The following SLC25A20 variants were observed in gnomAD, a reference collection of about 807,000 sequenced individuals.
The protein encoded by SLC25A20 is solute carrier family 25 member 20, also known as mitochondrial carnitine/acylcarnitine carrier protein.
A neutral mutation model predicts 39.7 loss-of-function variants in SLC25A20; 29 were observed. That is an observed-to-expected ratio of 0.73 (90% CI 0.54 to 1.00). SLC25A20 has a LOEUF of 1.00. Among genes scored for constraint, SLC25A20 ranks in the 50% least tolerant of loss-of-function variants. SLC25A20 has a pLI of 0.00. For synonymous variants in SLC25A20, 103 were observed against 142.2 expected, an observed-to-expected ratio of 0.72 and a Z score of 1.96; for missense variants, 333 against 379.9, an observed-to-expected ratio of 0.88 and a Z score of 1.03.
At chr3:48,894,893 C>T (rs747278634) in intron 1 of SLC25A20, among the ~76,000 whole-genome samples, 7 of 152,234 alleles carry the variant, frequency 4.6e-5, no homozygotes, top group Non-Finnish European at 8.8e-5. Context: ...TCTTGGCTCA[C>T]CGCAACCTCT....
At chr3:48,889,358 C>T (rs1256728234) in intron 2 of SLC25A20, among the ~76,000 whole-genome samples, 1 of 151,512 alleles carries the variant, frequency 6.6e-6, no homozygotes, top group African/African-American at 2.4e-5. Context: ...CCACTGTAGT[C>T]AAGCCTGGGC....
At chr3:48,857,955 C>T (rs1212113631) in intron 8 of SLC25A20, among the ~76,000 whole-genome samples, 183 bp from the exon 9 acceptor site, 3 of 151,528 alleles carry the variant, frequency 2.0e-5, no homozygotes, top group African/African-American at 4.8e-5. Context: ...TTATATTCCA[C>T]AACTGCCCAC....
intron 4 of SLC25A20, among the ~76,000 whole-genome samples, chr3:48,870,814 A>AT (rs71077745): frequency 2.2e-3 from 240 of 109,816 alleles, no homozygotes; most frequent in Middle Eastern, 9.8e-3. Flanking sequence ...CAGGAATCAG[A>AT]TTTTTTTTTT....
At chr3:48,875,797 G>A (rs1485998385) in intron 4 of SLC25A20, among the ~76,000 whole-genome samples, 4 of 152,056 alleles carry the variant, frequency 2.6e-5, no homozygotes, top group South Asian at 4.1e-4. Flanking sequence ...CAGACAGATC[G>A]CTTGAGCTCA....
chr3:48,878,262 C>CA (rs1257374907), intron 4 of SLC25A20, among the ~76,000 whole-genome samples: 29 of 106,866 alleles, frequency 2.7e-4, no homozygotes, highest in African/African-American at 5.6e-4. Context: ...TCCATCTCCA[C>CA]AAAAAAAAAA....
chr3:48,862,606 C>A lies in SLC25A20; in HGVS notation c.471G>T (p.Lys157Asn). 6.2e-7 allele frequency: 1 copy of A among 1,614,136 alleles called. No homozygotes were observed. The highest frequency in any genetic ancestry group is 8.5e-7 in the Non-Finnish European group (1 of 1,179,984). ...GGATCCCAAACTCCTGGTACAGCTT[C>A]TTTGCACAGTCCAAGGTACCAGTGT... ...SKYTGTLDCAKKLYQEFGIRG... is the reference protein window; with the variant it reads ...SKYTGTLDCANKLYQEFGIRG... Residue 157 changes from lysine (K) to asparagine (N), a missense_variant, in exon 5 of 9, where the codon AAG becomes AAT. Physicochemically the swap from Lys to Asn is moderately conservative, Grantham distance 94. Coordinates refer to ENST00000319017, the MANE Select transcript of SLC25A20 (RefSeq NM_000387.6).
intron 4 of SLC25A20, among the ~76,000 whole-genome samples, chr3:48,877,352 T>A (rs2083766179): frequency 6.6e-6 from 1 of 151,708 alleles, no homozygotes; most frequent in Non-Finnish European, 1.5e-5. Context: ...AGGCGGAGGT[T>A]GCGGTGAGCC....
Position 48,859,544 on chromosome 3 carries a change from G to A in SLC25A20, c.608+11C>T, listed in dbSNP as rs2106637706. On this transcript the variant is annotated intron_variant, in intron 6 of 8. Coordinates refer to ENST00000319017, the MANE Select transcript of SLC25A20 (RefSeq NM_000387.6). ...CTGGGGAAAGTGGCTTCCAAGTTAT[G>A]TTTTCCTCACCTCTTTCCCTCCGGA... 1 of 1,611,788 alleles carries A rather than the reference G, an allele frequency of 6.2e-7. No homozygotes were observed. The highest frequency in any genetic ancestry group is 8.5e-7 in the Non-Finnish European group (1 of 1,177,876).
intron 4 of SLC25A20, among the ~76,000 whole-genome samples, chr3:48,871,669 A>T (rs918109906): frequency 1.3e-5 from 2 of 150,796 alleles, no homozygotes; most frequent in African/African-American, 4.9e-5. Flanking sequence ...CAGGAGACTG[A>T]GGCAGGAGAA....
At chr3:48,869,377 G>A (rs1299947099) in intron 4 of SLC25A20, among the ~76,000 whole-genome samples, 1 of 152,140 alleles carries the variant, frequency 6.6e-6, no homozygotes, top group Non-Finnish European at 1.5e-5. Context: ...GCTGGGCACG[G>A]TGGCTCACAC....
In SLC25A20 at chr3:48,857,782, G is replaced by T. The variant is rs1188380608; in HGVS notation, c.844-10C>A. 1.2e-6 allele frequency: 2 copies of T among 1,612,938 alleles called. No homozygotes were observed. Among genetic ancestry groups the T allele is most frequent in the Non-Finnish European group, 1.7e-6 (2 of 1,179,508 alleles). On this transcript the variant is annotated splice_polypyrimidine_tract_variant and intron_variant, in intron 8 of 8. Coordinates refer to ENST00000319017, the MANE Select transcript of SLC25A20 (RefSeq NM_000387.6). ...AGCCAAGGAAACAGGCCTAAGAAGG[G>T]ATTGGGAGGAAGAAAAAAGCCAGCA... is the stretch of plus-strand genomic sequence containing the variant.
chr3:48,879,415 A>C lies in SLC25A20; in HGVS notation c.360T>G (p.Ser120=), dbSNP rs767041501. 1 of 1,614,098 alleles carries C rather than the reference A, an allele frequency of 6.2e-7. No individual in the cohort carries two copies. The highest frequency in any genetic ancestry group is 1.1e-5 in the South Asian group (1 of 91,086). ...YPQLFAAGML[S]GVFTTGIMTP... Reference sequence around the variant, plus strand: ...TCATGATTCCTGTGGTGAATACGCCAGATAACATCCCAGCTGCAAAAAGCT... The same window carrying C: ...TCATGATTCCTGTGGTGAATACGCCCGATAACATCCCAGCTGCAAAAAGCT... The change falls in exon 4 of 9, where the codon TCT becomes TCG. Residue 120 remains serine, a synonymous_variant. Transcript: ENST00000319017.
intron 8 of SLC25A20, among the ~76,000 whole-genome samples, 180 bp downstream of exon 8, chr3:48,858,327 C>T (rs1210350633): frequency 6.6e-6 from 1 of 152,128 alleles, no homozygotes; most frequent in African/African-American, 2.4e-5. Context: ...CCTCAGAGAT[C>T]CCCAAAGGCA....
intron 1 of SLC25A20, among the ~76,000 whole-genome samples, chr3:48,897,367 A>ATATAT (rs1256371148): frequency 6.9e-4 from 58 of 83,718 alleles, no homozygotes; most frequent in African/African-American, 2.1e-3. Context: ...ATATATATAT[A>ATATAT]TTTTTTTTTT....
intron 1 of SLC25A20, among the ~76,000 whole-genome samples, chr3:48,894,119 C>A (rs1358860119): frequency 6.7e-6 from 1 of 148,650 alleles, no homozygotes; most frequent in Non-Finnish European, 1.5e-5. Flanking sequence ...CAAAATCGCA[C>A]CTTTGCACTT....
At chr3:48,866,817 G>T (rs2083673283) in intron 4 of SLC25A20, among the ~76,000 whole-genome samples, 1 of 151,818 alleles carries the variant, frequency 6.6e-6, no homozygotes. Context: ...TTTTGAGACG[G>T]AGTTGTAATC....
At chr3:48,879,174 G>A (rs925201490) in intron 4 of SLC25A20, among the ~76,000 whole-genome samples, 184 bp downstream of exon 4, 1 of 152,006 alleles carries the variant, frequency 6.6e-6, no homozygotes, top group African/African-American at 2.4e-5. Flanking sequence ...CTGGCCCCCA[G>A]GCTGGTCTTT....
At chr3:48,878,273 A>ATAT (rs1553685979) in intron 4 of SLC25A20, among the ~76,000 whole-genome samples, 3 of 127,670 alleles carry the variant, frequency 2.3e-5, no homozygotes, top group Non-Finnish European at 3.3e-5. Context: ...AAAAAAAAAA[A>ATAT]ATATATATAT....
At chr3:48,868,755 A>G (rs2083689841) in intron 4 of SLC25A20, among the ~76,000 whole-genome samples, 1 of 152,192 alleles carries the variant, frequency 6.6e-6, no homozygotes, top group South Asian at 2.1e-4. Flanking sequence ...CCCCACCCAC[A>G]CCAGCAAAGA....
Sources: gnomAD v4.1 joint callset for allele counts (sites outside exome capture counted in the v4.1 genomes callset) on GRCh38, gnomAD v4.1.1 for gene constraint, MANE v1.5 for transcripts, NCBI Gene and HGNC (gene_info 2026-07-23, HGNC 2026-07-21) for gene names.